Variants in PEAK1 observed in about 807,000 individuals in gnomAD.
The protein encoded by PEAK1 is inactive tyrosine-protein kinase PEAK1.
A neutral mutation model predicts 124.7 loss-of-function variants in PEAK1; 54 were observed. The observed-to-expected ratio is 0.43, with a 90% CI of 0.35 to 0.54. PEAK1 has a LOEUF of 0.54. Ranked by LOEUF, PEAK1 falls within the 20% of genes least tolerant of loss-of-function variation. The pLI is 0.01. For synonymous variants in PEAK1, 719 were observed against 760.0 expected, an observed-to-expected ratio of 0.95 and a Z score of 0.89; for missense variants, 2,046 against 2,134.5, an observed-to-expected ratio of 0.96 and a Z score of 0.82.
At chr15:77,195,948 T>C (rs750617259) in intron 6 of PEAK1, among the ~76,000 whole-genome samples, 7 of 152,246 alleles carry the variant, frequency 4.6e-5, no homozygotes, top group African/African-American at 7.2e-5. Flanking sequence ...AGCAATGCCA[T>C]CACTCTTGTG....
In PEAK1 at chr15:77,335,439, A is replaced by C. The variant is rs2066139914; in HGVS notation, c.-603+29724T>G. ...ACTTTTTTTTCTGCTATTTTGCCCAATACTGTTGTCTGTATTCTTATCACT... is the reference window on the plus strand; with the variant it reads ...ACTTTTTTTTCTGCTATTTTGCCCACTACTGTTGTCTGTATTCTTATCACT... On this transcript the variant is annotated intron_variant, in intron 2 of 9. Transcript: ENST00000682557. 1.0e-5 allele frequency: 10 copies of C among 985,260 alleles called. No individual in the cohort carries two copies. The South Asian group carries it at 4.7e-4, about 46-fold the overall frequency. The allele number at this position is 985,260 out of a possible 1,614,324, so 61.0% of individuals were successfully genotyped here. A position where few individuals can be genotyped will look rare whatever the true frequency, so the allele number is the denominator to read the frequency against.
rs34885462 is a variant in PEAK1 at position 77,179,552 on chromosome 15, C to G, written c.2375G>C (p.Ser792Thr). The G allele has an allele frequency of 1.9e-6, 3 of 1,614,138 alleles. No homozygotes were observed. The Admixed American group carries it at 5.0e-5, about 27-fold the overall frequency. ...ETPQSGPKAC[S>T]VEELYAIPPD... Reference sequence around the variant, plus strand: ...AGGAATGGCATAAAGCTCTTCCACACTGCAAGCTTTAGGGCCAGATTGAGG... The same window carrying G: ...AGGAATGGCATAAAGCTCTTCCACAGTGCAAGCTTTAGGGCCAGATTGAGG... Residue 792 changes from serine (S) to threonine (T), a missense_variant, in exon 7 of 10, where the codon AGT becomes ACT. Transcript: ENST00000682557.
At chr15:77,408,238 G>T (rs1165004630) in intron 1 of PEAK1, among the ~76,000 whole-genome samples, 1 of 151,556 alleles carries the variant, frequency 6.6e-6, no homozygotes, top group Non-Finnish European at 1.5e-5. Context: ...GGCAGTGGCA[G>T]CAACCTGGAT....
At chr15:77,349,624 A>G (rs569922956) in intron 2 of PEAK1, 20 of 984,948 alleles carry the variant, frequency 2.0e-5, no homozygotes, top group Non-Finnish European at 2.3e-5. Context: ...CCATGTTTCT[A>G]TCATTAATGA....
intron 8 of PEAK1, among the ~76,000 whole-genome samples, chr15:77,153,804 T>A (rs2054876242): frequency 6.6e-6 from 1 of 152,204 alleles, no homozygotes; most frequent in South Asian, 2.1e-4. Flanking sequence ...TTTGAGTGAA[T>A]TTCTTAATCC....
chr15:77,310,910 A>G (rs538987585), intron 2 of PEAK1, among the ~76,000 whole-genome samples: 28 of 152,320 alleles, frequency 1.8e-4, no homozygotes, highest in Non-Finnish European at 3.4e-4. Context: ...CAAAAACCCA[A>G]TGAGGCTTGA....
At chr15:77,202,545 T>C (rs566945565) in intron 6 of PEAK1, among the ~76,000 whole-genome samples, 1 of 150,384 alleles carries the variant, frequency 6.6e-6, no homozygotes, top group African/African-American at 2.5e-5. Context: ...GGTGGGCGGA[T>C]CACGAGGTCA....
intron 5 of PEAK1, among the ~76,000 whole-genome samples, chr15:77,264,046 A>C (rs903209594): frequency 3.9e-5 from 6 of 152,212 alleles, no homozygotes; most frequent in African/African-American, 1.4e-4. Context: ...CTTTGACAAA[A>C]TTCAACAACC....
chr15:77,147,651 A>G (rs1343116468), intron 8 of PEAK1, among the ~76,000 whole-genome samples: 1 of 152,216 alleles, frequency 6.6e-6, no homozygotes, highest in East Asian at 1.9e-4. Context: ...ACCCTATAAA[A>G]TTCAGCTTGG....
At chr15:77,162,412 T>C (rs1001681516) in intron 7 of PEAK1, among the ~76,000 whole-genome samples, 1 of 146,046 alleles carries the variant, frequency 6.8e-6, no homozygotes, top group Admixed American at 7.3e-5. Context: ...AAGAATCGCT[T>C]GAACCTGGGA....
rs1244809712 is a variant in PEAK1 at position 77,133,914 on chromosome 15, C to A, written c.3332-164G>T. ...AAAGAGAACAACCAAAGAACAAATA[C>A]CTAAACATTGAAGTATCCAAGCCTT... On this transcript the variant is annotated intron_variant, in intron 8 of 9. Coordinates refer to ENST00000682557, the MANE Select transcript of PEAK1 (RefSeq NM_001385026.1). The surrounding 1 kb of genome is among the most constrained non-coding windows in gnomAD (Gnocchi z 4.2). 6.6e-6 allele frequency among the ~76,000 whole-genome samples: 1 copy of A among 152,160 alleles called. No individual in the cohort carries two copies. The highest frequency in any genetic ancestry group is 1.5e-5 in the Non-Finnish European group (1 of 68,016).
chr15:77,419,649 C>T, intron 1 of PEAK1: 1 of 985,178 alleles, frequency 1.0e-6, no homozygotes, highest in Non-Finnish European at 1.2e-6. Context: ...CTTTCCCCCG[C>T]AACCTCCCAG....
chr15:77,278,046 T>C (rs1051061498), intron 5 of PEAK1, among the ~76,000 whole-genome samples: 8 of 152,162 alleles, frequency 5.3e-5, no homozygotes, highest in African/African-American at 1.7e-4. Flanking sequence ...TCATCAATTG[T>C]AGCAAATGTA....
intron 8 of PEAK1, among the ~76,000 whole-genome samples, chr15:77,143,948 C>T (rs369958034): frequency 6.6e-5 from 10 of 152,314 alleles, no homozygotes; most frequent in African/African-American, 2.4e-4. Context: ...CCAGTGTGGG[C>T]CCTGTAAGAA....
intron 2 of PEAK1, among the ~76,000 whole-genome samples, chr15:77,303,558 G>A (rs1037272681): frequency 6.6e-6 from 1 of 151,898 alleles, no homozygotes; most frequent in Non-Finnish European, 1.5e-5. Flanking sequence ...TCCTTGATGG[G>A]GTGTCTCTTC....
At chr15:77,309,730 C>G (rs1424097766) in intron 2 of PEAK1, among the ~76,000 whole-genome samples, 1 of 152,112 alleles carries the variant, frequency 6.6e-6, no homozygotes, top group African/African-American at 2.4e-5. Flanking sequence ...TTCAGTCTCA[C>G]AACTAATTTG....
At chr15:77,349,606 T>C (rs1597393120) in intron 2 of PEAK1, 2 of 984,832 alleles carry the variant, frequency 2.0e-6, no homozygotes, top group Middle Eastern at 5.2e-4. Flanking sequence ...TTGAGTATGA[T>C]ACTGAATCCA....
chr15:77,324,138 T>C (rs2065419498), intron 2 of PEAK1, among the ~76,000 whole-genome samples: 1 of 152,228 alleles, frequency 6.6e-6, no homozygotes, highest in Non-Finnish European at 1.5e-5. Flanking sequence ...TACTTGGTTA[T>C]GGAATATGCG....
Position 77,114,440 on chromosome 15 carries a change from G to A in PEAK1, c.4957C>T (p.Arg1653Trp), listed in dbSNP as rs1158393761. ...SCLLNPNPSE[R>W]ILISDAKGIL... ...CCTTTGGCGTCTGAAATGAGGATCCGCTCAGAAGGGTTGGGATTCAGGAGG... is the reference window on the plus strand; with the variant it reads ...CCTTTGGCGTCTGAAATGAGGATCCACTCAGAAGGGTTGGGATTCAGGAGG... The change falls in exon 10 of 10, where the codon CGG becomes TGG. Residue 1653 changes from arginine (R) to tryptophan (W), a missense_variant. Transcript: ENST00000682557. 2.5e-6 allele frequency: 4 copies of A among 1,613,998 alleles called. No individual in the cohort carries two copies. Among genetic ancestry groups the A allele is most frequent in the Non-Finnish European group, 3.4e-6 (4 of 1,180,020 alleles).
Sources: allele counts gnomAD v4.1 joint callset (sites outside exome capture counted in the v4.1 genomes callset), GRCh38; gene constraint gnomAD v4.1.1; non-coding constraint Gnocchi (gnomAD v3.1); transcripts MANE v1.5; gene names NCBI Gene and HGNC (gene_info 2026-07-23, HGNC 2026-07-21).